BNC2: variants seen among roughly 807,000 people sequenced by gnomAD.
BNC2 encodes the protein basonuclin zinc finger protein 2.
A neutral mutation model predicts 76.3 loss-of-function variants in BNC2; 20 were observed. The ratio of observed to expected loss-of-function variants is 0.26; its 90% CI spans 0.18 to 0.38. The LOEUF (loss-of-function observed/expected upper bound fraction) is 0.38. Ranked by LOEUF, BNC2 falls within the 10% of genes least tolerant of loss-of-function variation. The probability of loss-of-function intolerance (pLI) is 1.00; values close to 1 mark genes in which losing one functional copy is unlikely to be tolerated. For synonymous variants in BNC2, 582 were observed against 514.8 expected (o/e 1.13, Z -1.77); for missense variants, 1,382 against 1,399.8 (o/e 0.99, Z 0.20).
At chr9:16,548,459 G>A (rs998713194) in intron 5 of BNC2, among the ~76,000 whole-genome samples, 5 of 151,128 alleles carry the variant, frequency 3.3e-5, no homozygotes, top group South Asian at 2.1e-4. Flanking sequence ...AGGCTGGAGT[G>A]CAATGGTACA....
chr9:16,575,373 CA>C, intron 4 of BNC2: 1 of 985,332 alleles, frequency 1.0e-6, no homozygotes, highest in Non-Finnish European at 1.2e-6. Context: ...CAGGTCTTGC[CA>C]GCCTCACTTT....
intron 3 of BNC2, among the ~76,000 whole-genome samples, chr9:16,712,593 C>T (rs1001275533): frequency 2.0e-5 from 3 of 152,130 alleles, no homozygotes; most frequent in South Asian, 2.1e-4. Flanking sequence ...GAAGTATTTT[C>T]GTGGAAGCAA....
Position 16,435,669 on chromosome 9 carries a change from A to G in BNC2, c.2525T>C (p.Phe842Ser). ...PKICYVCKKSFKSSYSVKLHY... is the reference protein window; with the variant it reads ...PKICYVCKKSSKSSYSVKLHY... ...AAGTTTCACACTGTAGGAGCTTTTG[A>G]AACTCTTCTTGCACACATAACAGAT... Residue 842 changes from phenylalanine to serine, a missense_variant, in exon 6 of 7, where the codon TTC becomes TCC. Coordinates refer to ENST00000380672, the MANE Select transcript of BNC2 (RefSeq NM_017637.6). 1 of 1,614,138 alleles carries G rather than the reference A, an allele frequency of 6.2e-7. No homozygotes were observed. The highest frequency in any genetic ancestry group is 8.5e-7 in the Non-Finnish European group (1 of 1,180,030).
intron 1 of BNC2, among the ~76,000 whole-genome samples, chr9:16,780,720 C>G (rs1482770329): frequency 6.6e-6 from 1 of 151,980 alleles, no homozygotes; most frequent in Non-Finnish European, 1.5e-5. Flanking sequence ...CAGATGAAAA[C>G]AACAGGACTT....
chr9:16,535,933 G>A (rs1454641373), intron 5 of BNC2, among the ~76,000 whole-genome samples: 3 of 151,982 alleles, frequency 2.0e-5, no homozygotes, highest in African/African-American at 4.8e-5. Flanking sequence ...GCTGAAGGAC[G>A]CATGATAAAT....
At chr9:16,664,605 G>C (rs959957827) in intron 3 of BNC2, among the ~76,000 whole-genome samples, 16 of 151,844 alleles carry the variant, frequency 1.1e-4, no homozygotes, top group African/African-American at 3.1e-4. Flanking sequence ...ATCCTAATCT[G>C]GTCTGGTGTT....
chr9:16,675,654 G>A (rs1822616764), intron 3 of BNC2, among the ~76,000 whole-genome samples: 1 of 152,194 alleles, frequency 6.6e-6, no homozygotes. Flanking sequence ...GTATCTTAAA[G>A]ACTCTGACAC....
At chr9:16,542,581 T>C (rs992605915) in intron 5 of BNC2, among the ~76,000 whole-genome samples, 1 of 152,186 alleles carries the variant, frequency 6.6e-6, no homozygotes, top group Non-Finnish European at 1.5e-5. Flanking sequence ...AATGCCAAGT[T>C]TGTAAACAAT....
chr9:16,756,543 C>A (rs1825388370), intron 1 of BNC2, among the ~76,000 whole-genome samples: 1 of 152,168 alleles, frequency 6.6e-6, no homozygotes, highest in South Asian at 2.1e-4. Context: ...TTAAGAGGAC[C>A]CTGTAAGATT....
At chr9:16,824,469 G>A (rs1171910000) in intron 1 of BNC2, among the ~76,000 whole-genome samples, 1 of 152,024 alleles carries the variant, frequency 6.6e-6, no homozygotes, top group East Asian at 1.9e-4. Context: ...GGAGGGAAAG[G>A]CACTTGCCTG....
At chr9:16,759,193 T>C (rs1452115110) in intron 1 of BNC2, among the ~76,000 whole-genome samples, 2 of 152,208 alleles carry the variant, frequency 1.3e-5, no homozygotes, top group African/African-American at 4.8e-5. Context: ...AAGATATGAT[T>C]TCATACAAAA....
chr9:16,491,022 G>A (rs537087343), intron 5 of BNC2, among the ~76,000 whole-genome samples: 16 of 152,234 alleles, frequency 1.1e-4, no homozygotes, highest in African/African-American at 2.9e-4. Flanking sequence ...GTGTGGAGGC[G>A]GAGCACAAGT....
intron 5 of BNC2, among the ~76,000 whole-genome samples, chr9:16,501,326 T>C (rs959424997): frequency 6.6e-6 from 1 of 152,204 alleles, no homozygotes; most frequent in Admixed American, 6.5e-5. Flanking sequence ...AAGTAACTTA[T>C]CTCATGAGTC....
At chr9:16,582,487 G>C (rs1819652687) in intron 4 of BNC2, among the ~76,000 whole-genome samples, 1 of 152,136 alleles carries the variant, frequency 6.6e-6, no homozygotes, top group African/African-American at 2.4e-5. Flanking sequence ...TCAGATACCA[G>C]CCAAATAATG....
chr9:16,832,660 A>C (rs1563962850), intron 1 of BNC2, among the ~76,000 whole-genome samples: 1 of 152,182 alleles, frequency 6.6e-6, no homozygotes, highest in Non-Finnish European at 1.5e-5. Context: ...TAGCATTTAG[A>C]GGTAGAAGGA....
chr9:16,656,697 A>G (rs991559816), intron 3 of BNC2, among the ~76,000 whole-genome samples: 1 of 152,186 alleles, frequency 6.6e-6, no homozygotes, highest in Non-Finnish European at 1.5e-5. Flanking sequence ...AATGCTTAAC[A>G]TGAGAAGTAC....
chr9:16,762,102 C>CA (rs1825568092), intron 1 of BNC2, among the ~76,000 whole-genome samples: 1 of 152,122 alleles, frequency 6.6e-6, no homozygotes, highest in Admixed American at 6.5e-5. Flanking sequence ...TTTGTGAGAT[C>CA]AAAAGAACCC....
intron 1 of BNC2, among the ~76,000 whole-genome samples, chr9:16,757,401 G>C (rs1825416478): frequency 6.6e-6 from 1 of 152,128 alleles, no homozygotes; most frequent in African/African-American, 2.4e-5. Context: ...TCAGTGTCCA[G>C]CTTATCAAGA....
chr9:16,438,693 G>C (rs971527597), intron 5 of BNC2, among the ~76,000 whole-genome samples: 1 of 152,052 alleles, frequency 6.6e-6, no homozygotes, highest in African/African-American at 2.4e-5. Flanking sequence ...AGAAAGCAAA[G>C]AATCTTCTTA....
Sources: allele counts gnomAD v4.1 joint callset (sites outside exome capture counted in the v4.1 genomes callset), GRCh38; gene constraint gnomAD v4.1.1; transcripts MANE v1.5; gene names NCBI Gene and HGNC (gene_info 2026-07-23, HGNC 2026-07-21).